NIM1K: variants seen among roughly 807,000 people sequenced by gnomAD.
NIM1K encodes the protein NIM1 serine/threonine protein kinase, also known as serine/threonine-protein kinase NIM1.
NIM1K carries 35 observed loss-of-function variants against 37.1 expected under a neutral mutation model. That is an observed-to-expected ratio of 0.94 (90% CI 0.72 to 1.25). The LOEUF (loss-of-function observed/expected upper bound fraction) is 1.25. Among genes scored for constraint, NIM1K ranks in the 50% most tolerant of loss-of-function variants. NIM1K has a pLI of 0.00. For synonymous variants in NIM1K, 234 were observed against 206.6 expected (o/e 1.13, Z -1.14); for missense variants, 564 against 548.0 (o/e 1.03, Z -0.29).
intron 1 of NIM1K, among the ~76,000 whole-genome samples, chr5:43,238,111 T>C (rs10051080): frequency 0.98 from 146,573 of 149,526 alleles, 71,903 homozygotes; most frequent in Middle Eastern, 1. Context: ...GGCACGATCT[T>C]GGCTCACTGC....
At chr5:43,218,361 A>G (rs1353351988) in intron 1 of NIM1K, among the ~76,000 whole-genome samples, 1 of 152,188 alleles carries the variant, frequency 6.6e-6, no homozygotes, top group Non-Finnish European at 1.5e-5. Flanking sequence ...TTGCATTGCT[A>G]TAAAGGAATA....
intron 2 of NIM1K, among the ~76,000 whole-genome samples, chr5:43,266,065 G>T (rs77087840): frequency 0.2 from 30,800 of 152,180 alleles, 3,220 homozygotes; most frequent in Non-Finnish European, 0.21. Flanking sequence ...CTACTCAGGG[G>T]TCAGGGACCC....
At chr5:43,233,641 C>T (rs904824273) in intron 1 of NIM1K, among the ~76,000 whole-genome samples, 1 of 152,216 alleles carries the variant, frequency 6.6e-6, no homozygotes, top group Non-Finnish European at 1.5e-5. Context: ...CTAAGGGCAT[C>T]CCTCAAGTGT....
intron 1 of NIM1K, among the ~76,000 whole-genome samples, chr5:43,235,608 G>T (rs1752609053): frequency 1.3e-5 from 2 of 152,242 alleles, no homozygotes; most frequent in Admixed American, 6.5e-5. Context: ...TGACAGCTTT[G>T]TCCACCTCTG....
chr5:43,268,053 G>T (rs977418583), intron 2 of NIM1K, among the ~76,000 whole-genome samples: 5 of 152,156 alleles, frequency 3.3e-5, no homozygotes, highest in African/African-American at 9.7e-5. Flanking sequence ...GGGTGTTGAA[G>T]TATCCCACTA....
At chr5:43,242,327 T>G (rs1189353258) in intron 1 of NIM1K, among the ~76,000 whole-genome samples, 1 of 150,646 alleles carries the variant, frequency 6.6e-6, no homozygotes, top group African/African-American at 2.5e-5. Flanking sequence ...ATCAGGAGAG[T>G]TGGGGAACAG....
chr5:43,222,533 A>G lies in NIM1K; in HGVS notation c.-694-22549A>G, dbSNP rs373744719. ...TGCTTAAGCCCAAGAGTCAAAGTCA[A>G]TACTGGGCAACACAGAGGGACCCCA... On this transcript the variant is annotated intron_variant, in intron 1 of 3. Coordinates refer to ENST00000326035, the MANE Select transcript of NIM1K (RefSeq NM_153361.4). Among the ~76,000 whole-genome samples the G allele has an allele frequency of 4.6e-5, 7 of 152,146 alleles. No homozygotes were observed. The East Asian group carries it at 1.2e-3, about 25-fold the overall frequency.
rs1752243089 is a variant in NIM1K, at chr5:43,213,280, G to GT, written c.-695+20872dup. The stretch of plus-strand genomic sequence containing the variant: ...TCTTTCTTGTTTCTTTTTCTTTCTT[G>GT]TTTCCTTTCCTTTTCTTTTCTTTTC... On this transcript the variant is annotated intron_variant, in intron 1 of 3. Coordinates refer to ENST00000326035, the MANE Select transcript of NIM1K (RefSeq NM_153361.4). 1.0e-4 allele frequency among the ~76,000 whole-genome samples: 6 copies of GT among 57,762 alleles called. No individual in the cohort carries two copies. The South Asian group carries it at 3.4e-3, about 33-fold the overall frequency. The allele number at this position is 57,762 out of a possible 152,430, so 37.9% of individuals were successfully genotyped here. A position where few individuals can be genotyped will look rare whatever the true frequency, so the allele number is the denominator to read the frequency against.
At chr5:43,249,304 C>T (rs1161661174) in intron 2 of NIM1K, among the ~76,000 whole-genome samples, 4 of 151,982 alleles carry the variant, frequency 2.6e-5, no homozygotes, top group Non-Finnish European at 4.4e-5. Flanking sequence ...TTCCTGACCT[C>T]GTGATCCGCT....
At chr5:43,192,774 T>C (rs988582156) in intron 1 of NIM1K, 1 of 152,340 alleles carries the variant, frequency 6.6e-6, no homozygotes, top group Non-Finnish European at 1.5e-5. Context: ...TGGACACTCG[T>C]GTCTGCGTGC....
rs532125310 is a variant in NIM1K at position 43,267,175 on chromosome 5, G to T, written c.293-9882G>T. On this transcript the variant is annotated intron_variant, in intron 2 of 3. Transcript: ENST00000326035. Reference sequence around the variant, plus strand: ...CTGCTCAGGATTTCTATTTCTTCCTGATTTAATCTGGGATGGTTGTAAATT... The same window carrying T: ...CTGCTCAGGATTTCTATTTCTTCCTTATTTAATCTGGGATGGTTGTAAATT... 6.6e-5 allele frequency among the ~76,000 whole-genome samples: 10 copies of T among 152,146 alleles called. No homozygotes were observed. The South Asian group carries it at 2.1e-3, about 32-fold the overall frequency.
intron 2 of NIM1K, among the ~76,000 whole-genome samples, chr5:43,263,286 A>T (rs562574072): frequency 1.6e-3 from 246 of 152,240 alleles, no homozygotes; most frequent in African/African-American, 5.7e-3. Flanking sequence ...TCAATTTCAG[A>T]ACCTGTTACT....
chr5:43,254,491 C>T (rs1017932688), intron 2 of NIM1K, among the ~76,000 whole-genome samples: 1 of 152,190 alleles, frequency 6.6e-6, no homozygotes, highest in Non-Finnish European at 1.5e-5. Flanking sequence ...TACTATATCA[C>T]ATTGATCCTT....
intron 1 of NIM1K, among the ~76,000 whole-genome samples, 184 bp downstream of exon 1, chr5:43,192,595 G>T (rs1751849522): frequency 6.6e-6 from 1 of 152,210 alleles, no homozygotes; most frequent in South Asian, 2.1e-4. Flanking sequence ...GCTTTCTGGG[G>T]CGTACCCCCA....
At chr5:43,218,837 C>T (rs141283530) in intron 1 of NIM1K, among the ~76,000 whole-genome samples, 1 of 151,968 alleles carries the variant, frequency 6.6e-6, no homozygotes, top group East Asian at 1.9e-4. Flanking sequence ...ACCTCAGTGC[C>T]CCCACTCCAC....
chr5:43,249,044 TTTTATTTATTTATTTATTTA>T (rs58657107), intron 2 of NIM1K, among the ~76,000 whole-genome samples: 1 of 139,114 alleles, frequency 7.2e-6, no homozygotes, highest in African/African-American at 2.7e-5. Context: ...GCTAGTTTAT[TTTTATTTATTTATTTATTTA>T]TTTATTTATT....
At chr5:43,255,586 T>TA (rs886348552) in intron 2 of NIM1K, among the ~76,000 whole-genome samples, 1 of 151,766 alleles carries the variant, frequency 6.6e-6, no homozygotes, top group African/African-American at 2.4e-5. Flanking sequence ...ACAATTCTAC[T>TA]AAAAATACAA....
intron 1 of NIM1K, among the ~76,000 whole-genome samples, chr5:43,223,650 T>C (rs1752411796): frequency 6.6e-6 from 1 of 152,216 alleles, no homozygotes; most frequent in Admixed American, 6.5e-5. Context: ...ATGATTACCA[T>C]GGCAAAGAGC....
intron 1 of NIM1K, among the ~76,000 whole-genome samples, chr5:43,211,704 C>A (rs772377034): frequency 1.3e-5 from 2 of 152,170 alleles, no homozygotes; most frequent in Admixed American, 6.5e-5. Flanking sequence ...AGAACTAGAT[C>A]TTGAGGAGCT....
Sources: gnomAD v4.1 joint callset for allele counts (sites outside exome capture counted in the v4.1 genomes callset) on GRCh38, gnomAD v4.1.1 for gene constraint, MANE v1.5 for transcripts, NCBI Gene and HGNC (gene_info 2026-07-23, HGNC 2026-07-21) for gene names.